Variants in ITGA6 observed in about 807,000 individuals in gnomAD.
ITGA6 encodes the protein integrin alpha-6.
Under a neutral mutation model 133.6 loss-of-function variants are expected in ITGA6, and 63 were observed. The ratio of observed to expected loss-of-function variants is 0.47; its 90% CI spans 0.38 to 0.58. ITGA6 has a LOEUF of 0.58. ITGA6 is among the 20% of genes least tolerant of loss of function. The pLI is 0.00. For missense variants in ITGA6, 1,068 were observed against 1,309.4 expected, an observed-to-expected ratio of 0.82 and a Z score of 2.85; for synonymous variants, 434 against 482.0, an observed-to-expected ratio of 0.90 and a Z score of 1.30.
chr2:172,447,696 G>A (rs1160317869), intron 1 of ITGA6, among the ~76,000 whole-genome samples: 2 of 152,084 alleles, frequency 1.3e-5, no homozygotes, highest in Non-Finnish European at 2.9e-5. Flanking sequence ...AAGTGTTGGT[G>A]GACCAAGGTC....
At chr2:172,445,553 G>A (rs1425112296) in intron 1 of ITGA6, among the ~76,000 whole-genome samples, 1 of 151,244 alleles carries the variant, frequency 6.6e-6, no homozygotes, top group African/African-American at 2.4e-5. Context: ...GGAAGCTGAG[G>A]CAGGAGAATG....
chr2:172,465,731 G>T, intron 2 of ITGA6, 68 bp downstream of exon 2: 1 of 1,598,920 alleles, frequency 6.3e-7, no homozygotes, highest in Non-Finnish European at 8.6e-7. Context: ...TGAGGGAGGA[G>T]AGTGGGGACA....
At chr2:172,469,091 C>G (rs775621961) in intron 3 of ITGA6, 34 bp from the exon 4 acceptor site, 1 of 1,612,946 alleles carries the variant, frequency 6.2e-7, no homozygotes, top group Non-Finnish European at 8.5e-7. Context: ...GGTTTATAGA[C>G]AAGAATGGGC....
At position 172,505,138 on chromosome 2, in the gene ITGA6, A is replaced by G. The variant is rs1201840508; in HGVS notation, c.*1070A>G. 3.3e-5 allele frequency: 5 copies of G among 152,630 alleles called. No homozygotes were observed. The highest frequency in any genetic ancestry group is 6.5e-5 in the Admixed American group (1 of 15,282). 9.5% of individuals were successfully genotyped at this position (152,630 alleles called of 1,614,324 possible). On this transcript the variant is annotated 3_prime_UTR_variant, in exon 26 of 26. Transcript: ENST00000684293. ...TGACAGCCTCCACCCCACAACCCAA[A>G]AGGTTTAAGAAATAGAATTATAACT...
In ITGA6 at chr2:172,487,396, T is replaced by A. The variant is rs756189482; in HGVS notation, c.2103T>A (p.Ile701=). Residue 701 remains isoleucine (I), a synonymous_variant, in exon 15 of 26, where the codon ATT becomes ATA. Transcript: ENST00000684293. ...DGDDAHEAKL[I]ATFPDTLTYS... Reference sequence around the variant, plus strand: ...ATGACGCCCATGAGGCTAAACTGATTGCAACGTTTCCAGACACTTTAACCT... The same window carrying A: ...ATGACGCCCATGAGGCTAAACTGATAGCAACGTTTCCAGACACTTTAACCT... 1.9e-6 allele frequency: 3 copies of A among 1,614,072 alleles called. No homozygotes were observed. In the African/African-American group the frequency reaches 4.0e-5, roughly 22 times the overall value.
intron 3 of ITGA6, 94 bp from the exon 4 acceptor site, chr2:172,469,031 A>G: frequency 3.7e-6 from 5 of 1,336,924 alleles, no homozygotes; most frequent in Non-Finnish European, 5.4e-6. Context: ...CCTCTTTAGA[A>G]TTAACCTCTG....
At chr2:172,475,973 A>G (rs931258930) in intron 8 of ITGA6, among the ~76,000 whole-genome samples, 1 of 152,212 alleles carries the variant, frequency 6.6e-6, no homozygotes, top group Non-Finnish European at 1.5e-5. Flanking sequence ...AGGAAATACG[A>G]TATATTCTCT....
At chr2:172,444,262 T>C (rs56680945) in intron 1 of ITGA6, among the ~76,000 whole-genome samples, 7,986 of 152,300 alleles carry the variant, frequency 0.052, 261 homozygotes, top group Middle Eastern at 0.13. Context: ...GAAAAGAAGA[T>C]GTAAGCTTTC....
chr2:172,493,013 A>G (rs564267590), intron 23 of ITGA6, among the ~76,000 whole-genome samples: 2 of 152,148 alleles, frequency 1.3e-5, no homozygotes, highest in African/African-American at 4.8e-5. Context: ...GGCTCAAGCA[A>G]TCCTCCTGTC....
intron 11 of ITGA6, among the ~76,000 whole-genome samples, chr2:172,483,099 G>A (rs985017794): frequency 1.8e-4 from 27 of 152,298 alleles, no homozygotes; most frequent in African/African-American, 6.5e-4. Context: ...CTAGGATCGC[G>A]AAGAGAGGCC....
At position 172,475,649 on chromosome 2, in the gene ITGA6, T is replaced by C. The variant is rs759293013; in HGVS notation, c.1233T>C (p.His411=). The change falls in exon 8 of 26, where the codon CAT becomes CAC. Residue 411 remains histidine, a synonymous_variant. Coordinates refer to ENST00000684293, the MANE Select transcript of ITGA6 (RefSeq NM_000210.4). ...YDDLGKVFIY[H]GSANGINTKP... ...ACTTGGGAAAGGTTTTTATCTATCA[T>C]GGATCTGCAAATGGAATAAATACCA... The C allele has an allele frequency of 1.3e-4, 209 of 1,607,652 alleles. 1 individual carries two copies. Among genetic ancestry groups the C allele is most frequent in the Non-Finnish European group, 1.7e-4 (195 of 1,174,230 alleles).
chr2:172,467,635 G>A, intron 3 of ITGA6, 75 bp downstream of exon 3: 1 of 1,119,210 alleles, frequency 8.9e-7, no homozygotes, highest in East Asian at 2.4e-5. Context: ...TTACAGCAGG[G>A]GACAGCAGGG....
At chr2:172,472,796 T>TTCCTATACAGGA (rs756307735) in intron 5 of ITGA6, 30 of 1,612,154 alleles carry the variant, frequency 1.9e-5, no homozygotes, top group Non-Finnish European at 2.5e-5. Context: ...TGACCAGCGT[T>TTCCTATACAGGA]TCCTATACAG....
chr2:172,479,925 A>G lies in ITGA6; in HGVS notation c.1488-65A>G. 3.5e-6 allele frequency: 4 copies of G among 1,147,510 alleles called. No homozygotes were observed. In the South Asian group the frequency reaches 4.9e-5, roughly 14 times the overall value. The allele number at this position is 1,147,510 out of a possible 1,614,324, so 71.1% of individuals were successfully genotyped here. ...ATTGGGGGGATTGGAGAGCTAGGGA[A>G]CATGTTGGGTTTTTTCCACTGCAAT... On this transcript the variant is annotated intron_variant, in intron 10 of 25. Transcript: ENST00000684293.
At chr2:172,434,578 T>C (rs1379251144) in intron 1 of ITGA6, among the ~76,000 whole-genome samples, 1 of 152,168 alleles carries the variant, frequency 6.6e-6, no homozygotes, top group East Asian at 1.9e-4. Context: ...GCAGAAAGAC[T>C]GTTTAGAAAA....
chr2:172,459,485 CAGAG>C (rs1377096163), intron 1 of ITGA6, among the ~76,000 whole-genome samples: 1 of 151,996 alleles, frequency 6.6e-6, no homozygotes, highest in East Asian at 1.9e-4. Flanking sequence ...GCCTGGGCAA[CAGAG>C]AGAGACTGTC....
intron 1 of ITGA6, among the ~76,000 whole-genome samples, chr2:172,443,378 G>A (rs766797634): frequency 1.3e-5 from 2 of 152,172 alleles, no homozygotes; most frequent in Non-Finnish European, 2.9e-5. Flanking sequence ...GTGCTGCAGT[G>A]AAGAACTTTA....
chr2:172,427,908 C>T lies in ITGA6; in HGVS notation c.120C>T (p.Pro40=). 1 of 1,606,976 alleles carries T rather than the reference C, an allele frequency of 6.2e-7. No homozygotes were observed. Among genetic ancestry groups the T allele is most frequent in the Non-Finnish European group, 8.5e-7 (1 of 1,177,130 alleles). The part of the protein sequence containing the change: ...EDNVIRKYGD[P]GSLFGFSLAM... Reference sequence around the variant, plus strand: ...ACGTGATCCGGAAATATGGAGACCCCGGGAGCCTCTTCGGCTTCTCGCTGG... The same window carrying T: ...ACGTGATCCGGAAATATGGAGACCCTGGGAGCCTCTTCGGCTTCTCGCTGG... Residue 40 remains proline, a synonymous_variant, in exon 1 of 26, where the codon CCC becomes CCT. Transcript: ENST00000684293.
chr2:172,468,098 C>G (rs1286547666), intron 3 of ITGA6, among the ~76,000 whole-genome samples: 1 of 152,140 alleles, frequency 6.6e-6, no homozygotes, highest in Non-Finnish European at 1.5e-5. Flanking sequence ...CTAAATATTC[C>G]TACAACTCTA....
Sources: gnomAD v4.1 joint callset for allele counts (sites outside exome capture counted in the v4.1 genomes callset) on GRCh38, gnomAD v4.1.1 for gene constraint, MANE v1.5 for transcripts, NCBI Gene and HGNC (gene_info 2026-07-23, HGNC 2026-07-21) for gene names.